Variants in PLXNA4 observed in about 807,000 individuals in gnomAD.
The protein encoded by PLXNA4 is plexin A4.
Under a neutral mutation model 191.8 loss-of-function variants are expected in PLXNA4, and 44 were observed. That is an observed-to-expected ratio of 0.23 (90% CI 0.18 to 0.29). The LOEUF (loss-of-function observed/expected upper bound fraction) is 0.29. Ranked by LOEUF, PLXNA4 falls within the 10% of genes least tolerant of loss-of-function variation. The pLI is 1.00. For synonymous variants in PLXNA4, 1,082 were observed against 1,009.5 expected, an observed-to-expected ratio of 1.07 and a Z score of -1.36; for missense variants, 1,800 against 2,488.8, an observed-to-expected ratio of 0.72 and a Z score of 5.89.
intron 24 of PLXNA4, among the ~76,000 whole-genome samples, chr7:132,160,412 C>A (rs1266128475): frequency 6.6e-6 from 1 of 152,144 alleles, no homozygotes; most frequent in Middle Eastern, 3.2e-3. Context: ...ACCAAATTAT[C>A]TTTTTATTTT....
In PLXNA4 at chr7:132,128,900, G is replaced by A. The variant is rs1047131940; in HGVS notation, c.*1579C>T. 2.0e-5 allele frequency: 3 copies of A among 152,246 alleles called. No homozygotes were observed. The highest frequency in any genetic ancestry group is 4.4e-5 in the Non-Finnish European group (3 of 68,062). The allele number at this position is 152,246 out of a possible 1,614,324, so 9.4% of individuals were successfully genotyped here. ...AGGTGCCAACAGAGACTCCTGCTTA[G>A]GATGGGAGACTGCACCAGACAGCAC... On this transcript the variant is annotated 3_prime_UTR_variant, in exon 32 of 32. Transcript: ENST00000321063.
intron 2 of PLXNA4, among the ~76,000 whole-genome samples, chr7:132,642,795 T>C (rs1803768992): frequency 6.6e-6 from 1 of 151,890 alleles, no homozygotes; most frequent in African/African-American, 2.4e-5. Flanking sequence ...TTTAGAAAGT[T>C]CCAAAAAAAA....
intron 2 of PLXNA4, among the ~76,000 whole-genome samples, chr7:132,490,267 G>A (rs555472336): frequency 4.6e-4 from 70 of 152,232 alleles, no homozygotes; most frequent in African/African-American, 1.6e-3. Flanking sequence ...CAGATAAAAG[G>A]GCTCTGCAGG....
intron 3 of PLXNA4, among the ~76,000 whole-genome samples, chr7:132,302,839 A>C (rs894657503): frequency 6.6e-6 from 1 of 152,100 alleles, no homozygotes; most frequent in African/African-American, 2.4e-5. Flanking sequence ...CACTTGTAAC[A>C]TGACAACTTG....
chr7:132,510,869 A>G (rs892025947), intron 1 of PLXNA4, among the ~76,000 whole-genome samples: 1 of 152,230 alleles, frequency 6.6e-6, no homozygotes, highest in Non-Finnish European at 1.5e-5. Flanking sequence ...AATCAGGTGG[A>G]AGATGAGGCT....
At chr7:132,194,022 T>C (rs750491812) in intron 14 of PLXNA4, 40 bp downstream of exon 14, 4 of 1,590,420 alleles carry the variant, frequency 2.5e-6, no homozygotes, top group South Asian at 1.1e-5. Flanking sequence ...ATGAGCTCTG[T>C]GGCCTGCACC....
At chr7:132,162,652 T>C (rs1795984963) in intron 24 of PLXNA4, among the ~76,000 whole-genome samples, 1 of 152,126 alleles carries the variant, frequency 6.6e-6, no homozygotes, top group African/African-American at 2.4e-5. Flanking sequence ...TTTCCCCCTC[T>C]TTTCCATTTT....
intron 12 of PLXNA4, among the ~76,000 whole-genome samples, chr7:132,201,807 C>A (rs1797443715): frequency 1.3e-5 from 2 of 152,168 alleles, no homozygotes; most frequent in Non-Finnish European, 2.9e-5. Context: ...AAATGAACTC[C>A]AGGGGCAGTG....
At chr7:132,261,310 G>A (rs996748393) in intron 4 of PLXNA4, among the ~76,000 whole-genome samples, 2 of 152,186 alleles carry the variant, frequency 1.3e-5, no homozygotes, top group African/African-American at 2.4e-5. Flanking sequence ...ACAGAAAAAG[G>A]CTACTCAGTA....
chr7:132,221,768 CTG>C (rs1161016814), intron 9 of PLXNA4, among the ~76,000 whole-genome samples: 3 of 152,206 alleles, frequency 2.0e-5, no homozygotes, highest in East Asian at 1.9e-4. Context: ...CTTTTCCTGA[CTG>C]TGAATCCATA....
intron 4 of PLXNA4, among the ~76,000 whole-genome samples, chr7:132,248,857 T>C (rs1215500594): frequency 6.0e-4 from 9 of 14,950 alleles, no homozygotes; most frequent in Admixed American, 4.3e-3. Context: ...AGAAAATGAT[T>C]TTTTTTTTTC....
At chr7:132,314,446 C>T (rs1196274860) in intron 3 of PLXNA4, among the ~76,000 whole-genome samples, 2 of 152,182 alleles carry the variant, frequency 1.3e-5, no homozygotes, top group Non-Finnish European at 2.9e-5. Flanking sequence ...GTTTAGTCGG[C>T]CTCATGCCAA....
In PLXNA4 at chr7:132,561,369, GTCCTCCTCCTCCTCT is replaced by G. The variant is rs752884210; in HGVS notation, c.-87+15038_-87+15052del. Among the ~76,000 whole-genome samples the G allele has an allele frequency of 1.0e-2, 431 of 43,304 alleles. 3 individuals are homozygous for G. Among genetic ancestry groups the G allele is most frequent in the African/African-American group, 0.023 (274 of 11,990 alleles). The allele number at this position is 43,304 out of a possible 152,430, so 28.4% of individuals were successfully genotyped here. A position where few individuals can be genotyped will look rare whatever the true frequency, so the allele number is the denominator to read the frequency against. ...CCTCCTCTTCCTCTCCCTCCTTCTTGTCCTCCTCCTCCTCTTCCTCCTCCTCCTCTTCCTCCTCCT... is the reference window on the plus strand; with the variant it reads ...CCTCCTCTTCCTCTCCCTCCTTCTTGTCCTCCTCCTCCTCTTCCTCCTCCT... On this transcript the variant is annotated intron_variant, in intron 1 of 31. Coordinates refer to ENST00000321063, the MANE Select transcript of PLXNA4 (RefSeq NM_020911.2).
chr7:132,478,042 A>G (rs1484703575), intron 3 of PLXNA4, among the ~76,000 whole-genome samples: 2 of 152,236 alleles, frequency 1.3e-5, no homozygotes, highest in African/African-American at 4.8e-5. Context: ...GGAAGCCATC[A>G]GTACTATCAG....
intron 30 of PLXNA4, among the ~76,000 whole-genome samples, chr7:132,137,547 T>C (rs1391837887): frequency 1.3e-5 from 2 of 152,252 alleles, no homozygotes; most frequent in Non-Finnish European, 2.9e-5. Flanking sequence ...TAACTGCTAA[T>C]TGGAAACCAA....
At chr7:132,319,907 T>C (rs1802097541) in intron 3 of PLXNA4, among the ~76,000 whole-genome samples, 1 of 152,252 alleles carries the variant, frequency 6.6e-6, no homozygotes, top group East Asian at 1.9e-4. Context: ...GCTGGAGTTC[T>C]GCAGGGCAGT....
intron 3 of PLXNA4, among the ~76,000 whole-genome samples, chr7:132,408,678 C>G (rs993285662): frequency 6.6e-6 from 1 of 152,094 alleles, no homozygotes; most frequent in African/African-American, 2.4e-5. Context: ...GCTGGCCAGG[C>G]TGGTCTCGAA....
chr7:132,318,518 T>G (rs1338071947), intron 3 of PLXNA4, among the ~76,000 whole-genome samples: 1 of 152,092 alleles, frequency 6.6e-6, no homozygotes, highest in Non-Finnish European at 1.5e-5. Flanking sequence ...ATGCCTCAGC[T>G]GCAGGACTCT....
intron 21 of PLXNA4, among the ~76,000 whole-genome samples, chr7:132,174,459 A>G (rs1221495813): frequency 6.6e-6 from 1 of 152,094 alleles, no homozygotes; most frequent in Non-Finnish European, 1.5e-5. Context: ...AGGTTCCCCA[A>G]TGTATTTGCC....
Sources: gnomAD v4.1 joint callset for allele counts (sites outside exome capture counted in the v4.1 genomes callset) on GRCh38, gnomAD v4.1.1 for gene constraint, MANE v1.5 for transcripts, NCBI Gene and HGNC (gene_info 2026-07-23, HGNC 2026-07-21) for gene names.